The following SSPN variants were observed in gnomAD, a reference collection of about 807,000 sequenced individuals.
SSPN encodes the protein K-ras oncogene-associated protein.
In SSPN, 15 loss-of-function variants were observed where a neutral mutation model predicts 19.1. The observed-to-expected ratio is 0.78, with a 90% CI of 0.52 to 1.21. SSPN has a LOEUF of 1.21. SSPN is among the 50% of genes most tolerant of loss of function. The pLI, the probability that SSPN is intolerant of heterozygous loss-of-function variation, is 0.00. For missense variants in SSPN, 291 were observed against 314.0 expected, an observed-to-expected ratio of 0.93 and a Z score of 0.55; for synonymous variants, 147 against 140.3, an observed-to-expected ratio of 1.05 and a Z score of -0.34.
chr12:26,210,998 T>A (rs1307918006), intron 1 of SSPN, among the ~76,000 whole-genome samples: 1 of 152,134 alleles, frequency 6.6e-6, no homozygotes, highest in East Asian at 1.9e-4. Context: ...AAAGGTACAC[T>A]TTGTGGGTAG....
intron 2 of SSPN, among the ~76,000 whole-genome samples, chr12:26,225,035 C>G (rs1591896430): frequency 6.6e-6 from 1 of 152,234 alleles, no homozygotes; most frequent in South Asian, 2.1e-4. Flanking sequence ...AGACATAGAA[C>G]TTAGCAATCA....
At chr12:26,220,994 T>C (rs776686990) in intron 1 of SSPN, among the ~76,000 whole-genome samples, 1 of 152,234 alleles carries the variant, frequency 6.6e-6, no homozygotes, top group Non-Finnish European at 1.5e-5. Flanking sequence ...CCATTCTTCA[T>C]AGCCAGAAGG....
At chr12:26,210,107 C>T (rs917966167) in intron 1 of SSPN, among the ~76,000 whole-genome samples, 2 of 151,930 alleles carry the variant, frequency 1.3e-5, no homozygotes, top group African/African-American at 4.8e-5. Context: ...CCTCTATATT[C>T]TCATCACCGA....
intron 1 of SSPN, among the ~76,000 whole-genome samples, chr12:26,185,482 C>A (rs376504008): frequency 6.6e-6 from 1 of 152,152 alleles, no homozygotes; most frequent in Non-Finnish European, 1.5e-5. Context: ...GCTCTTCCCC[C>A]ACTCACACAG....
chr12:26,169,471 T>A (rs1944641441), intron 1 of SSPN, among the ~76,000 whole-genome samples: 1 of 152,110 alleles, frequency 6.6e-6, no homozygotes, highest in African/African-American at 2.4e-5. Context: ...GATATCAAAA[T>A]AGGATTTTCA....
At chr12:26,193,312 A>C (rs2137453647), upstream of SSPN, among the ~76,000 whole-genome samples, 1 of 152,342 alleles carries the variant, frequency 6.6e-6, no homozygotes, top group South Asian at 2.1e-4. Flanking sequence ...ACTTACCCCC[A>C]TTCATAAGTA....
chr12:26,178,036 C>G (rs1335339193), intron 1 of SSPN, among the ~76,000 whole-genome samples: 1 of 152,184 alleles, frequency 6.6e-6, no homozygotes, highest in East Asian at 1.9e-4. Context: ...TCACCAGCTA[C>G]CCAATTACTT....
rs942552735 is a variant in SSPN, at chr12:26,124,285, A to G, written c.-31+2133A>G. 27 of 579,010 alleles carry G rather than the reference A, an allele frequency of 4.7e-5. No individual in the cohort carries two copies. The African/African-American group carries it at 6.5e-4, about 14-fold the overall frequency. 35.9% of individuals were successfully genotyped at this position (579,010 alleles called of 1,614,324 possible). On this transcript the variant is annotated intron_variant, in intron 1 of 2. Coordinates refer to the SSPN transcript ENST00000538142. Reference sequence around the variant, plus strand: ...CCGCCCCCCCACCATAAAACATACTATGTGATAAACTACACCCAAGAAACC... The same window carrying G: ...CCGCCCCCCCACCATAAAACATACTGTGTGATAAACTACACCCAAGAAACC...
chr12:26,174,633 G>C (rs932024055), intron 1 of SSPN, among the ~76,000 whole-genome samples: 10 of 151,996 alleles, frequency 6.6e-5, no homozygotes, highest in African/African-American at 2.4e-4. Context: ...TGATTCTCCT[G>C]CCTCAGCCTC....
chr12:26,220,701 G>A (rs1945111027), intron 1 of SSPN, among the ~76,000 whole-genome samples: 2 of 152,044 alleles, frequency 1.3e-5, no homozygotes, highest in African/African-American at 4.8e-5. Context: ...TGTCCACGTG[G>A]GATCATCATT....
intron 1 of SSPN, among the ~76,000 whole-genome samples, chr12:26,161,451 T>G (rs73084744): frequency 0.054 from 8,209 of 152,300 alleles, 307 homozygotes; most frequent in Non-Finnish European, 0.08. Flanking sequence ...TTCCCTGCCC[T>G]GCCCCATCGA....
At chr12:26,191,502 T>G (rs1040856231), upstream of SSPN, among the ~76,000 whole-genome samples, 1 of 152,110 alleles carries the variant, frequency 6.6e-6, no homozygotes, top group Non-Finnish European at 1.5e-5. Context: ...AGCCCTTTGT[T>G]GACCATAAAG....
At chr12:26,178,375 G>A (rs1944697910) in intron 1 of SSPN, among the ~76,000 whole-genome samples, 1 of 152,098 alleles carries the variant, frequency 6.6e-6, no homozygotes, top group Non-Finnish European at 1.5e-5. Context: ...ATGTGTGTAA[G>A]CCCTTCATGT....
At chr12:26,222,167 T>C (rs913585921) in intron 1 of SSPN, among the ~76,000 whole-genome samples, 4 of 152,222 alleles carry the variant, frequency 2.6e-5, no homozygotes, top group Non-Finnish European at 5.9e-5. Context: ...CATGTTTTAA[T>C]GCTGTGTCTC....
intron 1 of SSPN, among the ~76,000 whole-genome samples, chr12:26,127,280 A>G (rs1944372269): frequency 6.6e-6 from 1 of 152,232 alleles, no homozygotes. Context: ...CTTAGAAGCT[A>G]AGTCTGGGGC....
chr12:26,180,103 C>T (rs989872437), intron 1 of SSPN: 1 of 151,984 alleles, frequency 6.6e-6, no homozygotes, highest in Non-Finnish European at 1.5e-5. Flanking sequence ...CATCTTGAAA[C>T]CAGAGAACCA....
intron 1 of SSPN, among the ~76,000 whole-genome samples, chr12:26,217,094 T>G (rs1591889388): frequency 6.7e-6 from 1 of 148,910 alleles, no homozygotes; most frequent in African/African-American, 2.5e-5. Flanking sequence ...TAAAGTAGTT[T>G]TTTCCAATTC....
chr12:26,173,383 T>G (rs1159918309), intron 1 of SSPN, among the ~76,000 whole-genome samples: 3 of 152,232 alleles, frequency 2.0e-5, no homozygotes, highest in Non-Finnish European at 2.9e-5. Context: ...CTTTGAACTT[T>G]GCCCTCTGTA....
At chr12:26,201,020 TA>T (rs1280550353) in intron 1 of SSPN, among the ~76,000 whole-genome samples, 3 of 41,914 alleles carry the variant, frequency 7.2e-5, no homozygotes, top group Non-Finnish European at 7.9e-5. Flanking sequence ...TGTATATATA[TA>T]TATATATATA....
Sources: allele counts gnomAD v4.1 joint callset (sites outside exome capture counted in the v4.1 genomes callset), GRCh38; gene constraint gnomAD v4.1.1; transcripts MANE v1.5; gene names NCBI Gene and HGNC (gene_info 2026-07-23, HGNC 2026-07-21).